NSUN4: variants seen among roughly 807,000 people sequenced by gnomAD.
NSUN4 encodes the protein 5-cytosine rRNA methyltransferase NSUN4.
In NSUN4, 31 loss-of-function variants were observed where a neutral mutation model predicts 43.8. That is an observed-to-expected ratio of 0.71 (90% confidence interval 0.53 to 0.96). The LOEUF is 0.96. Among genes scored for constraint, NSUN4 ranks in the 40% least tolerant of loss-of-function variants. The pLI is 0.00. For synonymous variants in NSUN4, 167 were observed against 184.1 expected, an observed-to-expected ratio of 0.91 and a Z score of 0.75; for missense variants, 439 against 475.6, an observed-to-expected ratio of 0.92 and a Z score of 0.72.
downstream of NSUN4, among the ~76,000 whole-genome samples, chr1:46,367,369 C>T (rs540183778): frequency 1.6e-4 from 24 of 152,224 alleles, no homozygotes; most frequent in Non-Finnish European, 3.2e-4. Context: ...TTACTTACAT[C>T]ATTGTTTCTT....
rs569985150 is a variant in NSUN4 at position 46,364,651 on chromosome 1, G to A, written c.*2805G>A. 1.3e-5 allele frequency: 2 copies of A among 152,276 alleles called. No homozygotes were observed. The highest frequency in any genetic ancestry group is 6.5e-5 in the Admixed American group (1 of 15,286). 9.4% of individuals were successfully genotyped at this position (152,276 alleles called of 1,614,324 possible). A position where few individuals can be genotyped will look rare whatever the true frequency, so the allele number is the denominator to read the frequency against. On this transcript the variant is annotated 3_prime_UTR_variant, in exon 6 of 6. Transcript: ENST00000474844. ...AGCGCCATTGCACTCCAGCGTGGGCGACAGCAAGAGACTTCATTTCGATAA... is the reference window on the plus strand; with the variant it reads ...AGCGCCATTGCACTCCAGCGTGGGCAACAGCAAGAGACTTCATTTCGATAA...
At chr1:46,360,249 A>AAAAAAAAAAATATATAT (rs1553177947) in intron 4 of NSUN4, among the ~76,000 whole-genome samples, 4 of 25,764 alleles carry the variant, frequency 1.6e-4, no homozygotes, top group African/African-American at 5.2e-4. Context: ...AAAAAAAAAA[A>AAAAAAAAAAATATATAT]ATATATATAT....
At chr1:46,348,810 T>TTTG (rs1662735399) in intron 3 of NSUN4, among the ~76,000 whole-genome samples, 1 of 74,864 alleles carries the variant, frequency 1.3e-5, no homozygotes, top group African/African-American at 8.3e-5. Flanking sequence ...TGTGCACTGT[T>TTTG]TTTTTTTTTT....
the NSUN4 span, among the ~76,000 whole-genome samples, chr1:46,377,435 T>A: frequency 1.3e-5 from 2 of 152,212 alleles, no homozygotes; most frequent in African/African-American, 4.8e-5. Flanking sequence ...AAATATGACA[T>A]AAATGTGGGA....
chr1:46,360,160 C>T (rs1393935451), intron 4 of NSUN4, among the ~76,000 whole-genome samples: 7 of 136,860 alleles, frequency 5.1e-5, no homozygotes, highest in Admixed American at 2.4e-4. Flanking sequence ...ACCCGGGAGG[C>T]GGAGCTTGCA....
intron 4 of NSUN4, among the ~76,000 whole-genome samples, chr1:46,356,699 AAAAG>A (rs1460187457): frequency 6.8e-5 from 10 of 146,044 alleles, no homozygotes; most frequent in Admixed American, 5.4e-4. Flanking sequence ...TCAAAAAAAA[AAAAG>A]AAGAAGAAGA....
the NSUN4 span, among the ~76,000 whole-genome samples, chr1:46,374,383 G>C: frequency 6.6e-6 from 1 of 151,514 alleles, no homozygotes; most frequent in East Asian, 1.9e-4. Context: ...TCTGAGGCAG[G>C]CAGGTCATGA....
At chr1:46,350,126 T>A (rs522025) in intron 3 of NSUN4, among the ~76,000 whole-genome samples, 1 of 152,140 alleles carries the variant, frequency 6.6e-6, no homozygotes, top group Non-Finnish European at 1.5e-5. Context: ...ATACAAGAAT[T>A]GGAGGTAGAG....
At chr1:46,344,665 C>G in intron 1 of NSUN4, 136 bp from the exon 2 acceptor site, 1 of 715,178 alleles carries the variant, frequency 1.4e-6, no homozygotes, top group East Asian at 2.6e-5. Context: ...ACTTCTCTGG[C>G]AGGCAGGCAG....
chr1:46,381,126 A>ACTC, the NSUN4 span, among the ~76,000 whole-genome samples: 1 of 150,908 alleles, frequency 6.6e-6, no homozygotes, highest in Non-Finnish European at 1.5e-5. Context: ...TCCCCCAAAG[A>ACTC]CTCTCCCCAA....
chr1:46,380,454 T>G, the NSUN4 span, among the ~76,000 whole-genome samples: 1 of 152,182 alleles, frequency 6.6e-6, no homozygotes, highest in East Asian at 1.9e-4. Flanking sequence ...ATCCACCTGC[T>G]CTTCTAGTCC....
At chr1:46,349,016 T>C (rs1334230268) in intron 3 of NSUN4, among the ~76,000 whole-genome samples, 3 of 151,878 alleles carry the variant, frequency 2.0e-5, no homozygotes, top group Non-Finnish European at 4.4e-5. Context: ...GGTTTCACCA[T>C]GTTGGCCAGG....
intron 4 of NSUN4, among the ~76,000 whole-genome samples, chr1:46,359,280 A>G (rs1033745209): frequency 1.3e-5 from 2 of 151,888 alleles, no homozygotes; most frequent in African/African-American, 4.8e-5. Context: ...AAACAAATAA[A>G]CTGGGAATTT....
the NSUN4 span, among the ~76,000 whole-genome samples, chr1:46,374,060 G>T: frequency 6.6e-6 from 1 of 152,086 alleles, no homozygotes; most frequent in Non-Finnish European, 1.5e-5. Context: ...GCCGAGGCGG[G>T]TGGATTACCT....
chr1:46,380,406 G>T, the NSUN4 span, among the ~76,000 whole-genome samples: 1 of 152,180 alleles, frequency 6.6e-6, no homozygotes, highest in Non-Finnish European at 1.5e-5. Context: ...GGATAACACA[G>T]GTGGAGCCCT....
intron 4 of NSUN4, among the ~76,000 whole-genome samples, chr1:46,358,022 C>T (rs557132263): frequency 2.5e-4 from 38 of 152,332 alleles, no homozygotes; most frequent in African/African-American, 9.1e-4. Flanking sequence ...TCAAGCAATT[C>T]TTGTGCCTCA....
At chr1:46,358,677 G>A (rs1375158813) in intron 4 of NSUN4, among the ~76,000 whole-genome samples, 1 of 152,118 alleles carries the variant, frequency 6.6e-6, no homozygotes. Context: ...TGGAATTACA[G>A]GTATGAGCCG....
chr1:46,371,995 A>C, the NSUN4 span, among the ~76,000 whole-genome samples: 1 of 152,122 alleles, frequency 6.6e-6, no homozygotes, highest in Non-Finnish European at 1.5e-5. Context: ...ACATCTCAAC[A>C]TGAGATTTGG....
intron 4 of NSUN4, among the ~76,000 whole-genome samples, chr1:46,353,989 T>G (rs1245051212): frequency 6.6e-6 from 1 of 152,256 alleles, no homozygotes; most frequent in African/African-American, 2.4e-5. Context: ...GAATGAGTAC[T>G]GATTTCCCAC....
Sources: gnomAD v4.1 joint callset for allele counts (sites outside exome capture counted in the v4.1 genomes callset) on GRCh38, gnomAD v4.1.1 for gene constraint, MANE v1.5 for transcripts, NCBI Gene and HGNC (gene_info 2026-07-23, HGNC 2026-07-21) for gene names.